GPM6B: variants seen among roughly 807,000 people sequenced by gnomAD.
The protein encoded by GPM6B is glycoprotein M6B.
Under a neutral mutation model 27.2 loss-of-function variants are expected in GPM6B, and 4 were observed. The observed-to-expected ratio is 0.15, with a 90% confidence interval of 0.07 to 0.34. The LOEUF is 0.34. Ranked by LOEUF, GPM6B falls within the 10% of genes least tolerant of loss-of-function variation. GPM6B has a pLI of 1.00. For missense variants in GPM6B, 183 were observed against 261.9 expected (o/e 0.70, Z 2.08); for synonymous variants, 124 against 103.1 (o/e 1.20, Z -1.23).
chrX:13,793,323 G>C (rs1268830117), intron 2 of GPM6B, among the ~76,000 whole-genome samples: 2 of 111,041 alleles, frequency 1.8e-5, no homozygotes, highest in Non-Finnish European at 3.8e-5. Context: ...TTTCCAGATT[G>C]AACCAATGTA....
chrX:13,775,809 T>C (rs964857629), intron 7 of GPM6B, among the ~76,000 whole-genome samples: 1 of 112,379 alleles, frequency 8.9e-6, no homozygotes, highest in African/African-American at 3.2e-5. Context: ...GAGGTGACTT[T>C]ATGGAACACA....
At chrX:13,847,837 G>A (rs1020213720) in intron 1 of GPM6B, among the ~76,000 whole-genome samples, 2 of 112,194 alleles carry the variant, frequency 1.8e-5, no homozygotes, top group Non-Finnish European at 3.8e-5. Context: ...GGAATAGTAT[G>A]TGCAAAGATC....
intron 1 of GPM6B, among the ~76,000 whole-genome samples, chrX:13,822,743 C>T (rs1309265564): frequency 1.8e-5 from 2 of 111,330 alleles, no homozygotes; most frequent in Admixed American, 9.6e-5. Flanking sequence ...TCAAATACAT[C>T]GGCCCTCTGT....
chrX:13,834,728 T>G (rs1216223291), intron 1 of GPM6B, among the ~76,000 whole-genome samples: 2 of 111,559 alleles, frequency 1.8e-5, no homozygotes, highest in Admixed American at 1.9e-4. Context: ...GAACCTTGGA[T>G]TATAAGCAAT....
At chrX:13,781,231 T>G (rs1478789547) in intron 4 of GPM6B, among the ~76,000 whole-genome samples, 1 of 110,992 alleles carries the variant, frequency 9.0e-6, no homozygotes, top group African/African-American at 3.3e-5. Context: ...GCTGGCCCTG[T>G]CATGGAGGCC....
intron 1 of GPM6B, among the ~76,000 whole-genome samples, chrX:13,878,126 A>G (rs12688370): frequency 0.22 from 23,456 of 105,075 alleles, 2,202 homozygotes; most frequent in East Asian, 0.66. Context: ...GGTAGAGAAC[A>G]ACAAATGGAA....
chrX:13,884,740 C>A (rs2050118141), intron 1 of GPM6B, among the ~76,000 whole-genome samples: 1 of 112,008 alleles, frequency 8.9e-6, no homozygotes, highest in Non-Finnish European at 1.9e-5. Context: ...TGCAGCATGT[C>A]ATTAAGTGGG....
At chrX:13,903,551 C>T (rs1235885115) in intron 1 of GPM6B, among the ~76,000 whole-genome samples, 1 of 111,698 alleles carries the variant, frequency 9.0e-6, no homozygotes, top group Non-Finnish European at 1.9e-5. Flanking sequence ...ATCATTTTAC[C>T]ACGCAGACTC....
At chrX:13,792,551 C>T (rs966494692) in intron 2 of GPM6B, among the ~76,000 whole-genome samples, 1 of 107,805 alleles carries the variant, frequency 9.3e-6, no homozygotes, top group Non-Finnish European at 1.9e-5. Flanking sequence ...CAGGACAGCC[C>T]CCATCCCCAA....
At chrX:13,864,362 C>T (rs2049885389) in intron 1 of GPM6B, among the ~76,000 whole-genome samples, 1 of 112,818 alleles carries the variant, frequency 8.9e-6, no homozygotes. Flanking sequence ...AGGGGGGATG[C>T]TGCACTAGAC....
intron 2 of GPM6B, among the ~76,000 whole-genome samples, chrX:13,799,817 G>T (rs894229013): frequency 1.8e-5 from 2 of 111,006 alleles, no homozygotes; most frequent in East Asian, 2.8e-4. Flanking sequence ...GAGAGGTGAG[G>T]CTTTGAGAAA....
At chrX:13,774,590 G>A (rs150919148) in intron 7 of GPM6B, 27 of 1,206,798 alleles carry the variant, frequency 2.2e-5, no homozygotes, top group African/African-American at 5.2e-5. Context: ...CTTCAAAACC[G>A]CATAGTTATA....
chrX:13,884,637 T>G (rs949213361), intron 1 of GPM6B, among the ~76,000 whole-genome samples: 9 of 112,315 alleles, frequency 8.0e-5, no homozygotes, highest in African/African-American at 2.3e-4. Context: ...TTTTATTTAC[T>G]CTCATGAAAA....
At chrX:13,861,102 A>G (rs2049845249) in intron 1 of GPM6B, among the ~76,000 whole-genome samples, 1 of 105,562 alleles carries the variant, frequency 9.5e-6, no homozygotes, top group African/African-American at 3.5e-5. Context: ...ATACACATAC[A>G]TATACACACA....
chrX:13,930,352 C>T (rs1003246084), intron 1 of GPM6B, among the ~76,000 whole-genome samples: 4 of 111,780 alleles, frequency 3.6e-5, no homozygotes, highest in Admixed American at 1.9e-4. Flanking sequence ...CGGTGGCTCA[C>T]ACCTATAATC....
intron 1 of GPM6B, among the ~76,000 whole-genome samples, chrX:13,815,238 C>A (rs2049212201): frequency 9.0e-6 from 1 of 111,730 alleles, no homozygotes; most frequent in Admixed American, 9.5e-5. Context: ...TGGTTGAATA[C>A]CACATTAATA....
At chrX:13,831,753 C>T (rs1402120749) in intron 1 of GPM6B, among the ~76,000 whole-genome samples, 1 of 111,898 alleles carries the variant, frequency 8.9e-6, no homozygotes, top group African/African-American at 3.2e-5. Context: ...TGCCCTTCAA[C>T]CTCTCAAAGC....
At chrX:13,852,296 A>G (rs1010177258) in intron 1 of GPM6B, among the ~76,000 whole-genome samples, 1 of 111,686 alleles carries the variant, frequency 9.0e-6, no homozygotes, top group Admixed American at 9.5e-5. Flanking sequence ...AAACAAAGAG[A>G]AAATTAAGTA....
intron 1 of GPM6B, among the ~76,000 whole-genome samples, chrX:13,812,048 C>CTTTTTTT (rs1187553585): frequency 4.5e-5 from 4 of 88,916 alleles, no homozygotes; most frequent in African/African-American, 1.3e-4. Flanking sequence ...TCTTTTCTTT[C>CTTTTTTT]TTTTTTTTTT....
Sources: allele counts gnomAD v4.1 joint callset (sites outside exome capture counted in the v4.1 genomes callset), GRCh38; gene constraint gnomAD v4.1.1; transcripts MANE v1.5; gene names NCBI Gene and HGNC (gene_info 2026-07-23, HGNC 2026-07-21).